Variants in SOS2 observed in about 807,000 individuals in gnomAD.
SOS2 encodes son of sevenless homolog 2.
In SOS2, 65 loss-of-function variants were observed where a neutral mutation model predicts 148.2. That is an observed-to-expected ratio of 0.44 (90% CI 0.36 to 0.54). The LOEUF (loss-of-function observed/expected upper bound fraction) is 0.54, where lower values mean the gene tolerates loss of function less well. SOS2 is among the 20% of genes least tolerant of loss of function. SOS2 has a pLI of 0.00. For missense variants in SOS2, 1,341 were observed against 1,590.2 expected, an observed-to-expected ratio of 0.84 and a Z score of 2.67; for synonymous variants, 539 against 537.1, an observed-to-expected ratio of 1.00 and a Z score of -0.05.
chr14:50,153,174 C>G lies in SOS2; in HGVS notation c.2058-1G>C. Reference sequence around the variant, plus strand: ...CCAATGCCGAAATACATTTAAGATCCTGATAAAATGGAAAGAAACACATTT... The same window carrying G: ...CCAATGCCGAAATACATTTAAGATCGTGATAAAATGGAAAGAAACACATTT... On this transcript the variant is annotated splice_acceptor_variant, in intron 12 of 22. Coordinates refer to ENST00000216373, the MANE Select transcript of SOS2 (RefSeq NM_006939.4). LOFTEE classifies it high-confidence loss of function. The G allele has an allele frequency of 6.4e-7, 1 of 1,552,970 alleles. No homozygotes were observed. Among genetic ancestry groups the G allele is most frequent in the Non-Finnish European group, 8.8e-7 (1 of 1,131,794 alleles).
At chr14:50,199,914 T>TA (rs1886432201) in intron 3 of SOS2, 59 bp from the exon 4 acceptor site, 1 of 1,084,814 alleles carries the variant, frequency 9.2e-7, no homozygotes, top group African/African-American at 1.6e-5. Context: ...ATTACACACT[T>TA]AAAAAATTCC....
At chr14:50,216,544 A>C (rs1387779821) in intron 1 of SOS2, among the ~76,000 whole-genome samples, 1 of 151,916 alleles carries the variant, frequency 6.6e-6, no homozygotes, top group Non-Finnish European at 1.5e-5. Context: ...AGATTACCTG[A>C]GGTCAGGAGT....
chr14:50,141,707 T>C (rs1884294869), intron 16 of SOS2, among the ~76,000 whole-genome samples: 1 of 152,214 alleles, frequency 6.6e-6, no homozygotes, highest in South Asian at 2.1e-4. Context: ...TAATTGGATT[T>C]AGAGAGCCAA....
At position 50,160,017 on chromosome 14, in the gene SOS2, T is replaced by G. The variant is rs755550719; in HGVS notation, c.1266A>C (p.Glu422Asp). 1 of 1,614,086 alleles carries G rather than the reference T, an allele frequency of 6.2e-7. No homozygotes were observed. The highest frequency in any genetic ancestry group is 1.3e-5 in the African/African-American group (1 of 75,060). The part of the protein sequence containing the change: ...SKHLAIKKMN[E>D]IQKNIDGWEG... ...CCCATCCATCGATATTTTTCTGAAT[T>G]TCATTCATTTTTTTGATAGCCAGGT... Residue 422 changes from glutamate to aspartate, a missense_variant, in exon 10 of 23, where the codon GAA (glutamate) becomes GAC (aspartate). Physicochemically the swap from Glu to Asp is conservative, Grantham distance 45. Transcript: ENST00000216373.
At chr14:50,231,137 C>A in intron 1 of SOS2, 60 bp downstream of exon 1, 1 of 1,074,826 alleles carries the variant, frequency 9.3e-7, no homozygotes, top group Non-Finnish European at 1.3e-6. Flanking sequence ...CGACCTGCTC[C>A]CCGTTAGAAG....
chr14:50,132,354 T>TTA (rs1555368386), intron 19 of SOS2, among the ~76,000 whole-genome samples: 1 of 62,980 alleles, frequency 1.6e-5, no homozygotes. Context: ...CTATTGCCAT[T>TTA]AAAAAAAAAA....
At chr14:50,204,681 A>G (rs1886604631) in intron 1 of SOS2, among the ~76,000 whole-genome samples, 1 of 152,170 alleles carries the variant, frequency 6.6e-6, no homozygotes, top group South Asian at 2.1e-4. Context: ...CACATAAACT[A>G]TTCTATACAA....
chr14:50,194,236 G>C (rs1484900868), intron 4 of SOS2, among the ~76,000 whole-genome samples: 1 of 152,162 alleles, frequency 6.6e-6, no homozygotes, highest in East Asian at 1.9e-4. Flanking sequence ...TACAAGAGCA[G>C]AGAAGAGTAG....
At chr14:50,196,900 C>T (rs2076691815) in intron 4 of SOS2, among the ~76,000 whole-genome samples, 1 of 152,178 alleles carries the variant, frequency 6.6e-6, no homozygotes. Context: ...CAGTGTCTCA[C>T]TCTGTCACCT....
rs1363124019 is a variant in SOS2 at position 50,138,529 on chromosome 14, T to C, written c.2958+83A>G. 34 of 607,346 alleles carry C rather than the reference T, an allele frequency of 5.6e-5. No homozygotes were observed. The Admixed American group carries it at 9.5e-4, about 17-fold the overall frequency. 37.6% of individuals were successfully genotyped at this position (607,346 alleles called of 1,614,324 possible). On this transcript the variant is annotated intron_variant, in intron 18 of 22. Transcript: ENST00000216373. The stretch of plus-strand genomic sequence containing the variant: ...GTAGTCACCCTGTTGTGCGATCCAA[T>C]AGTATGTCTTATTCATTCTATTTTT...
chr14:50,166,014 A>G (rs916651041), intron 8 of SOS2, among the ~76,000 whole-genome samples: 2 of 152,156 alleles, frequency 1.3e-5, no homozygotes, highest in Admixed American at 6.6e-5. Flanking sequence ...GACACCAGAC[A>G]CAGCTACGCA....
intron 21 of SOS2, among the ~76,000 whole-genome samples, chr14:50,121,161 C>A (rs967311511): frequency 2.0e-5 from 3 of 152,150 alleles, no homozygotes; most frequent in Admixed American, 2.0e-4. Context: ...AAGTCTCTCA[C>A]TGATAATGTA....
intron 1 of SOS2, among the ~76,000 whole-genome samples, chr14:50,211,924 G>A (rs1271971740): frequency 1.3e-5 from 2 of 152,104 alleles, no homozygotes; most frequent in Non-Finnish European, 2.9e-5. Flanking sequence ...CATCCAGAAT[G>A]GGACAGATAA....
intron 18 of SOS2, among the ~76,000 whole-genome samples, chr14:50,134,809 C>T (rs1308165312): frequency 6.6e-6 from 1 of 152,004 alleles, no homozygotes; most frequent in African/African-American, 2.4e-5. Context: ...CACGGTGGCT[C>T]ACGCCTGTAA....
Position 50,172,419 on chromosome 14 carries a change from C to CTT in SOS2, c.1068+2033_1068+2034dup, listed in dbSNP as rs768766517. Among the ~76,000 whole-genome samples, 7 of 82,764 alleles carry CTT rather than the reference C, an allele frequency of 8.5e-5. No homozygotes were observed. The South Asian group carries it at 1.1e-3, about 13-fold the overall frequency. 54.3% of individuals were successfully genotyped at this position (82,764 alleles called of 152,430 possible). A position where few individuals can be genotyped will look rare whatever the true frequency, so the allele number is the denominator to read the frequency against. On this transcript the variant is annotated intron_variant, in intron 8 of 22. Transcript: ENST00000216373. ...ATGGGTAGTTTCTCTTTATTCATTC[C>CTT]TTTTTTTTTTTTTTCTGAGATGGAG...
At chr14:50,152,817 T>G (rs1238321468) in intron 13 of SOS2, among the ~76,000 whole-genome samples, 2 of 151,936 alleles carry the variant, frequency 1.3e-5, no homozygotes, top group East Asian at 3.9e-4. Flanking sequence ...ATACAAAAAT[T>G]AGCCAGGCGT....
chr14:50,129,863 T>G, intron 21 of SOS2, 98 bp downstream of exon 21: 1 of 693,174 alleles, frequency 1.4e-6, no homozygotes. Flanking sequence ...ACTTTTCTTG[T>G]TCTTTAATAT....
At chr14:50,215,666 G>A (rs1170968664) in intron 1 of SOS2, among the ~76,000 whole-genome samples, 1 of 152,218 alleles carries the variant, frequency 6.6e-6, no homozygotes, top group East Asian at 1.9e-4. Flanking sequence ...CATGGCACAT[G>A]TATACATATG....
chr14:50,174,628 G>A (rs549398513), intron 7 of SOS2, 76 bp from the exon 8 acceptor site: 11 of 769,920 alleles, frequency 1.4e-5, no homozygotes, highest in East Asian at 8.4e-5. Context: ...TAACAGAAAC[G>A]TCTACTAAAA....
Sources: allele counts gnomAD v4.1 joint callset (sites outside exome capture counted in the v4.1 genomes callset), GRCh38; gene constraint gnomAD v4.1.1; transcripts MANE v1.5; gene names NCBI Gene and HGNC (gene_info 2026-07-23, HGNC 2026-07-21).